Variants in CDIN1 observed in about 807,000 individuals in gnomAD.
CDIN1 encodes the protein CDAN1-interacting nuclease 1.
Under a neutral mutation model 45.3 loss-of-function variants are expected in CDIN1, and 33 were observed. The observed-to-expected ratio is 0.73, with a 90% CI of 0.55 to 0.97. CDIN1 has a LOEUF of 0.97. Among genes scored for constraint, CDIN1 ranks in the 50% least tolerant of loss-of-function variants. CDIN1 has a pLI of 0.00. For synonymous variants in CDIN1, 118 were observed against 124.4 expected (o/e 0.95, Z 0.34); for missense variants, 303 against 339.4 (o/e 0.89, Z 0.84).
intron 8 of CDIN1, chr15:36,702,233 A>G: frequency 1.5e-6 from 1 of 663,986 alleles, no homozygotes. Context: ...AGTAACAGGA[A>G]CATGAAATTG....
chr15:36,703,225 TATATATATCAG>T (rs1342853820), intron 8 of CDIN1, among the ~76,000 whole-genome samples: 15 of 124,504 alleles, frequency 1.2e-4, no homozygotes, highest in South Asian at 7.9e-4. Flanking sequence ...CTCAAATATA[TATATATATCAG>T]ATATATATAT....
rs962898896 is a variant in CDIN1 at position 36,810,019 on chromosome 15, C to G, written c.*1566C>G. 1 of 139,806 alleles carries G rather than the reference C, an allele frequency of 7.2e-6. No individual in the cohort carries two copies. Among genetic ancestry groups the G allele is most frequent in the African/African-American group, 2.6e-5 (1 of 38,210 alleles). The allele number at this position is 139,806 out of a possible 1,614,324, so 8.7% of individuals were successfully genotyped here. A position where few individuals can be genotyped will look rare whatever the true frequency, so the allele number is the denominator to read the frequency against. On this transcript the variant is annotated 3_prime_UTR_variant, in exon 11 of 11. Coordinates refer to ENST00000566621, the MANE Select transcript of CDIN1 (RefSeq NM_001321759.2). ...AGTGAAATAGAATGATTTGAAACCA[C>G]TACTGTATTGCCTGGATACACACAC...
chr15:36,606,019 A>G (rs2038358698), intron 1 of CDIN1, among the ~76,000 whole-genome samples: 2 of 152,084 alleles, frequency 1.3e-5, no homozygotes, highest in African/African-American at 4.8e-5. Context: ...GCTTGAGGAC[A>G]AGGAGTTTTT....
chr15:36,800,909 G>GTATGTATATATATA (rs1555410946), intron 10 of CDIN1, among the ~76,000 whole-genome samples: 112 of 22,388 alleles, frequency 5.0e-3, no homozygotes, highest in Non-Finnish European at 0.01. Flanking sequence ...GTGTGTGTGT[G>GTATGTATATATATA]TATATATATA....
chr15:36,653,401 T>C (rs1420555328), intron 3 of CDIN1, among the ~76,000 whole-genome samples: 1 of 151,852 alleles, frequency 6.6e-6, no homozygotes, highest in Non-Finnish European at 1.5e-5. Context: ...ATCTTGAGAT[T>C]TAATGTGGGG....
chr15:36,663,204 T>G (rs2041093633), intron 5 of CDIN1, among the ~76,000 whole-genome samples: 1 of 152,136 alleles, frequency 6.6e-6, no homozygotes. Flanking sequence ...GAATTAAAGT[T>G]GGACAAATTC....
chr15:36,669,142 A>G (rs1263437886), intron 5 of CDIN1: 1 of 152,152 alleles, frequency 6.6e-6, no homozygotes, highest in Admixed American at 6.6e-5. Flanking sequence ...GCTACATAGA[A>G]TGGAGGCTGG....
intron 1 of CDIN1, among the ~76,000 whole-genome samples, chr15:36,594,043 C>G (rs150853080): frequency 1.3e-5 from 2 of 152,076 alleles, no homozygotes; most frequent in African/African-American, 2.4e-5. Context: ...TCAAAGTTTT[C>G]TTTTAATTTA....
chr15:36,584,247 A>C (rs2037184808), intron 1 of CDIN1, among the ~76,000 whole-genome samples: 1 of 152,182 alleles, frequency 6.6e-6, no homozygotes, highest in Non-Finnish European at 1.5e-5. Context: ...TAGCCTGTTC[A>C]ACAGAGCGAG....
At position 36,749,477 on chromosome 15, in the gene CDIN1, T is replaced by A. The variant is rs1444858317; in HGVS notation, c.716+39516T>A. Among the ~76,000 whole-genome samples the A allele has an allele frequency of 3.9e-5, 6 of 152,194 alleles. No homozygotes were observed. In the South Asian group the frequency reaches 8.3e-4, roughly 21 times the overall value. On this transcript the variant is annotated intron_variant, in intron 10 of 10. Transcript: ENST00000566621. ...CACCAAGGTTTCTGAAGTTTCATTA[T>A]TTTTATAGATTTCTCAAATAATTCC...
chr15:36,590,109 G>A (rs1033575925), intron 1 of CDIN1, among the ~76,000 whole-genome samples: 1 of 152,100 alleles, frequency 6.6e-6, no homozygotes, highest in Non-Finnish European at 1.5e-5. Flanking sequence ...TTCAAGTTAC[G>A]TCTCTTGGCT....
intron 10 of CDIN1, among the ~76,000 whole-genome samples, chr15:36,751,765 A>C (rs1043088325): frequency 6.6e-6 from 1 of 152,182 alleles, no homozygotes; most frequent in Admixed American, 6.5e-5. Context: ...CATCAATGAT[A>C]CAGTGAATAA....
intron 5 of CDIN1, among the ~76,000 whole-genome samples, chr15:36,678,259 A>G (rs1383439400): frequency 6.6e-6 from 1 of 152,240 alleles, no homozygotes; most frequent in Non-Finnish European, 1.5e-5. Context: ...AGGCTCCTGC[A>G]GGCCACTGGC....
chr15:36,584,566 GTATTCATTCATTTATTCACT>G (rs1298988855), intron 1 of CDIN1, among the ~76,000 whole-genome samples: 2 of 152,308 alleles, frequency 1.3e-5, no homozygotes, highest in African/African-American at 2.4e-5. Flanking sequence ...ACAGTAATTT[GTATTCATTCATTTATTCACT>G]TATTCATTCA....
chr15:36,764,935 A>AT (rs1421828614), intron 10 of CDIN1, among the ~76,000 whole-genome samples: 1 of 152,154 alleles, frequency 6.6e-6, no homozygotes, highest in Non-Finnish European at 1.5e-5. Flanking sequence ...AGGAAACTAT[A>AT]TGCTGAAGAT....
intron 1 of CDIN1, among the ~76,000 whole-genome samples, chr15:36,628,424 T>C (rs1325416600): frequency 6.6e-6 from 1 of 152,224 alleles, no homozygotes; most frequent in East Asian, 1.9e-4. Flanking sequence ...TGTATCACAG[T>C]TTGTTCATCC....
intron 4 of CDIN1, among the ~76,000 whole-genome samples, chr15:36,657,107 C>T (rs146046222): frequency 2.6e-5 from 4 of 152,120 alleles, no homozygotes; most frequent in East Asian, 3.9e-4. Flanking sequence ...AAATGACTGT[C>T]GGACTGAATA....
intron 1 of CDIN1, among the ~76,000 whole-genome samples, chr15:36,639,518 G>A (rs571297918): frequency 6.6e-6 from 1 of 152,254 alleles, no homozygotes; most frequent in East Asian, 1.9e-4. Flanking sequence ...GAACCAGGAG[G>A]CGGAGGTTGC....
intron 1 of CDIN1, among the ~76,000 whole-genome samples, chr15:36,643,160 A>G (rs1385638178): frequency 6.6e-6 from 1 of 152,216 alleles, no homozygotes; most frequent in Non-Finnish European, 1.5e-5. Context: ...TATTCTTTTA[A>G]TAATGTATCA....
Sources: gnomAD v4.1 joint callset for allele counts (sites outside exome capture counted in the v4.1 genomes callset) on GRCh38, gnomAD v4.1.1 for gene constraint, MANE v1.5 for transcripts, NCBI Gene and HGNC (gene_info 2026-07-23, HGNC 2026-07-21) for gene names.